Variants in COL4A2 observed in about 807,000 individuals in gnomAD.
COL4A2 encodes collagen type IV alpha 2 chain, also known as collagen alpha-2(IV) chain.
In COL4A2, 99 loss-of-function variants were observed where a neutral mutation model predicts 200.2. The observed-to-expected ratio is 0.49, with a 90% CI of 0.42 to 0.58. COL4A2 has a LOEUF of 0.58. Ranked by LOEUF, COL4A2 falls within the 20% of genes least tolerant of loss-of-function variation. The pLI is 0.00. For synonymous variants in COL4A2, 897 were observed against 900.6 expected (o/e 1.00, Z 0.07); for missense variants, 1,950 against 2,314.1 (o/e 0.84, Z 3.23).
At chr13:110,457,513 TC>T in intron 21 of COL4A2, 78 bp downstream of exon 21, 1 of 819,800 alleles carries the variant, frequency 1.2e-6, no homozygotes, top group Non-Finnish European at 2.1e-6. Flanking sequence ...GTGAAATCCA[TC>T]CCCCACTCAC....
rs757496482 is a variant in COL4A2 at position 110,466,065 on chromosome 13, A to G, written c.2038+3A>G. 1 of 1,613,430 alleles carries G rather than the reference A, an allele frequency of 6.2e-7. No individual in the cohort carries two copies. Among genetic ancestry groups the G allele is most frequent in the East Asian group, 2.2e-5 (1 of 44,862 alleles). On this transcript the variant is annotated splice_donor_region_variant and intron_variant, in intron 26 of 47. Coordinates refer to ENST00000360467, the MANE Select transcript of COL4A2 (RefSeq NM_001846.4). ...CAGACAGGAGGCCATCCAGCCAGGTACTCTGGGAAGTGCAGGTGGCTTTAG... is the reference window on the plus strand; with the variant it reads ...CAGACAGGAGGCCATCCAGCCAGGTGCTCTGGGAAGTGCAGGTGGCTTTAG...
Position 110,507,978 on chromosome 13 carries a change from CCTGTA to C in COL4A2, c.4642_4646del (p.Tyr1548GlnfsTer4), listed in dbSNP as rs769822980. The C allele has an allele frequency of 3.1e-6, 5 of 1,614,204 alleles. No homozygotes were observed. Among genetic ancestry groups the C allele is most frequent in the Non-Finnish European group, 4.2e-6 (5 of 1,180,026 alleles). On this transcript the variant is annotated frameshift_variant, in exon 47 of 48. Transcript: ENST00000360467. LOFTEE classifies it high-confidence loss of function. ...TGGCGCGGTTCAGCACCATGCCCTT[CCTGTA>C]CTGCAACCCTGGTGATGTCTGCTAC... is the stretch of plus-strand genomic sequence containing the variant.
intron 4 of COL4A2, among the ~76,000 whole-genome samples, chr13:110,421,962 A>C (rs1880265792): frequency 6.6e-6 from 1 of 152,252 alleles, no homozygotes; most frequent in African/African-American, 2.4e-5. Context: ...GCATATTTCC[A>C]TTTTGGTTAG....
chr13:110,331,621 A>G (rs1875916837), intron 3 of COL4A2, among the ~76,000 whole-genome samples: 1 of 152,180 alleles, frequency 6.6e-6, no homozygotes, highest in Non-Finnish European at 1.5e-5. Flanking sequence ...ATTCACAACC[A>G]CAAAGCCAAG....
Position 110,504,606 on chromosome 13 carries a change from A to T in COL4A2, c.4402+342A>T, listed in dbSNP as rs149592401. On this transcript the variant is annotated intron_variant, in intron 45 of 47. Coordinates refer to ENST00000360467, the MANE Select transcript of COL4A2 (RefSeq NM_001846.4). ...GAGCCGCACTGCGAAGCCCTGTCTT[A>T]CTTTTTTTTCTTTTTTGGACAGAGT... 2.0e-4 allele frequency among the ~76,000 whole-genome samples: 30 copies of T among 152,276 alleles called. 1 individual carries two copies. Among genetic ancestry groups the T allele is most frequent in the African/African-American group, 7.2e-4 (30 of 41,564 alleles).
At chr13:110,441,672 C>T (rs1476404497) in intron 16 of COL4A2, among the ~76,000 whole-genome samples, 1 of 152,162 alleles carries the variant, frequency 6.6e-6, no homozygotes, top group Non-Finnish European at 1.5e-5. Context: ...CAGACATTAT[C>T]GTTCAAAAGT....
chr13:110,333,953 C>A (rs528562216), intron 3 of COL4A2, among the ~76,000 whole-genome samples: 1 of 152,138 alleles, frequency 6.6e-6, no homozygotes, highest in East Asian at 1.9e-4. Flanking sequence ...ACAAAGAAAC[C>A]GAGTCTAGAA....
chr13:110,508,347 C>T lies in COL4A2; in HGVS notation c.4881+126C>T, dbSNP rs896552660. ...GTGTGCACTGCACAAGGGTAGTTGG[C>T]CCAGGAAGCGAGCGAGAGCTGGAAC... On this transcript the variant is annotated intron_variant, in intron 47 of 47. Coordinates refer to ENST00000360467, the MANE Select transcript of COL4A2 (RefSeq NM_001846.4). This position sits in a 1 kb window ranked among gnomAD's most constrained non-coding sequence, Gnocchi z 6.1. The T allele has an allele frequency of 2.1e-6, 3 of 1,460,304 alleles. No individual in the cohort carries two copies. The highest frequency in any genetic ancestry group is 1.9e-6 in the Non-Finnish European group (2 of 1,077,148). 90.5% of individuals were successfully genotyped at this position (1,460,304 alleles called of 1,614,324 possible). A position where few individuals can be genotyped will look rare whatever the true frequency, so the allele number is the denominator to read the frequency against.
chr13:110,468,262 G>T, intron 27 of COL4A2: 1 of 471,704 alleles, frequency 2.1e-6, no homozygotes, highest in Middle Eastern at 3.2e-4. Flanking sequence ...AAGGCTCCTT[G>T]TGTTGTCTTC....
intron 4 of COL4A2, among the ~76,000 whole-genome samples, chr13:110,415,072 C>G (rs1879989468): frequency 6.6e-6 from 1 of 152,118 alleles, no homozygotes; most frequent in African/African-American, 2.4e-5. Context: ...CTAGAAAAGG[C>G]AAACTACATG....
intron 10 of COL4A2, 183 bp downstream of exon 10, chr13:110,430,790 G>T (rs752656990): frequency 1.1e-6 from 1 of 897,566 alleles, no homozygotes; most frequent in Non-Finnish European, 1.9e-6. Flanking sequence ...TGTTAAGGTT[G>T]AAGAATAAGG....
chr13:110,465,393 A>G lies in COL4A2; in HGVS notation c.1777-12A>G, dbSNP rs1323157837. ...GTATATATTTTAAGAAATAAACTGA[A>G]TTTTCACACAGGGTGATGGCATCAA... On this transcript the variant is annotated splice_polypyrimidine_tract_variant and intron_variant, in intron 24 of 47. Transcript: ENST00000360467. The G allele has an allele frequency of 3.8e-6, 6 of 1,577,078 alleles. No homozygotes were observed. The South Asian group carries it at 4.7e-5, about 12-fold the overall frequency.
intron 29 of COL4A2, among the ~76,000 whole-genome samples, chr13:110,477,496 T>C (rs1285271414): frequency 6.6e-6 from 1 of 152,202 alleles, no homozygotes; most frequent in Admixed American, 6.5e-5. Flanking sequence ...CTAAAGAAAT[T>C]ACCTACGACA....
chr13:110,382,769 C>CTTAT (rs1878540577), intron 4 of COL4A2, among the ~76,000 whole-genome samples: 1 of 152,190 alleles, frequency 6.6e-6, no homozygotes, highest in Admixed American at 6.5e-5. Flanking sequence ...GAGTGAATAA[C>CTTAT]TTATTTCCCA....
chr13:110,504,187 G>A lies in COL4A2; in HGVS notation c.4325G>A (p.Arg1442Lys). 1.2e-6 allele frequency: 2 copies of A among 1,614,176 alleles called. No individual in the cohort carries two copies. Among genetic ancestry groups the A allele is most frequent in the Non-Finnish European group, 1.7e-6 (2 of 1,180,038 alleles). The change falls in exon 45 of 48, where the codon AGA (arginine) becomes AAA (lysine). Residue 1442 changes from arginine to lysine, a missense_variant. Arg to Lys is a conservative substitution (Grantham distance 26). Transcript: ENST00000360467. ...CCAGGGAAAGCTGGGCCCCAAGGAA[G>A]AGGTGGTGTGTCTGCTGTTCCCGGC... is the stretch of plus-strand genomic sequence containing the variant. Reference protein sequence around the residue: ...GAPGKAGPQGRGGVSAVPGFR... With the variant: ...GAPGKAGPQGKGGVSAVPGFR...
intron 18 of COL4A2, among the ~76,000 whole-genome samples, chr13:110,447,321 C>G (rs1881367108): frequency 6.6e-6 from 1 of 152,204 alleles, no homozygotes. Context: ...AACCAGTGAA[C>G]AGTCACATGC....
At chr13:110,452,452 G>A (rs1365368891) in intron 20 of COL4A2, among the ~76,000 whole-genome samples, 10 of 152,136 alleles carry the variant, frequency 6.6e-5, no homozygotes, top group Admixed American at 3.3e-4. Flanking sequence ...ATGAGCCAAC[G>A]CGCCCGGCCC....
chr13:110,382,326 A>G (rs531824289), intron 4 of COL4A2, among the ~76,000 whole-genome samples: 1 of 152,198 alleles, frequency 6.6e-6, no homozygotes, highest in Non-Finnish European at 1.5e-5. Context: ...ACATTTTAAA[A>G]GACTTAGGGG....
In COL4A2 at chr13:110,480,529, T is replaced by G. The variant is rs561422339; in HGVS notation, c.2758+139T>G. On this transcript the variant is annotated intron_variant, in intron 31 of 47. Coordinates refer to ENST00000360467, the MANE Select transcript of COL4A2 (RefSeq NM_001846.4). ...TTCTGCAGATTGGAGGCCTTGGGAC[T>G]CTCCTGACCTAGGAGACAGCAGCCT... is the stretch of plus-strand genomic sequence containing the variant. The G allele has an allele frequency of 9.2e-6, 8 of 872,658 alleles. No homozygotes were observed. In the African/African-American group the frequency reaches 1.4e-4, roughly 15 times the overall value. The allele number at this position is 872,658 out of a possible 1,614,324, so 54.1% of individuals were successfully genotyped here. A position where few individuals can be genotyped will look rare whatever the true frequency, so the allele number is the denominator to read the frequency against.
Sources: gnomAD v4.1 joint callset for allele counts (sites outside exome capture counted in the v4.1 genomes callset) on GRCh38, gnomAD v4.1.1 for gene constraint, Gnocchi (gnomAD v3.1) non-coding constraint, MANE v1.5 for transcripts, NCBI Gene and HGNC (gene_info 2026-07-23, HGNC 2026-07-21) for gene names.